Variants in GPR89B observed in about 807,000 individuals in gnomAD.
The protein encoded by GPR89B is G protein-coupled receptor 89B.
GPR89B carries 25 observed loss-of-function variants against 52.4 expected under a neutral mutation model. The ratio of observed to expected loss-of-function variants is 0.48; its 90% confidence interval spans 0.35 to 0.67. The LOEUF (loss-of-function observed/expected upper bound fraction) is 0.67. Ranked by LOEUF, GPR89B falls within the 30% of genes least tolerant of loss-of-function variation. GPR89B has a pLI of 0.01. For synonymous variants in GPR89B, 52 were observed against 151.2 expected (o/e 0.34, Z 4.81); for missense variants, 146 against 450.2 (o/e 0.32, Z 6.11).
At chr1:147,936,538 G>A (rs1654104325) in intron 1 of GPR89B, 89 bp from the exon 2 acceptor site, 3 of 794,048 alleles carry the variant, frequency 3.8e-6, no homozygotes, top group Non-Finnish European at 4.3e-6. Flanking sequence ...TAACCGTCTA[G>A]TTAGCAGACC....
Position 147,950,012 on chromosome 1 carries a change from C to T in GPR89B, c.416-3333C>T, listed in dbSNP as rs1298839373. 7.0e-5 allele frequency among the ~76,000 whole-genome samples: 10 copies of T among 142,100 alleles called. No homozygotes were observed. In the South Asian group the frequency reaches 1.1e-3, roughly 16 times the overall value. 93.2% of individuals were successfully genotyped at this position (142,100 alleles called of 152,430 possible). ...CTCCCTCCCGGACGGGGCGGCTGGC[C>T]GGGCGGGGGGCTGACCTCCCCACCT... On this transcript the variant is annotated intron_variant, in intron 5 of 13. Coordinates refer to ENST00000314163, the MANE Select transcript of GPR89B (RefSeq NM_016334.5).
the GPR89B span, chr1:148,010,531 G>A: frequency 6.6e-6 from 1 of 152,320 alleles, no homozygotes; most frequent in African/African-American, 2.4e-5. Flanking sequence ...CAAAAGAGGT[G>A]TAGAGGAAGA....
intron 10 of GPR89B, among the ~76,000 whole-genome samples, chr1:147,971,925 A>G (rs1446214621): frequency 6.6e-6 from 1 of 151,672 alleles, no homozygotes; most frequent in Non-Finnish European, 1.5e-5. Context: ...ACATCCATCC[A>G]TCACTGCCAT....
chr1:148,020,870 T>C, the GPR89B span, among the ~76,000 whole-genome samples: 2 of 151,628 alleles, frequency 1.3e-5, no homozygotes, highest in Non-Finnish European at 2.9e-5. Context: ...GTATTTTCAG[T>C]AGAGACGGGG....
chr1:147,947,226 TC>T (rs1553249938), intron 5 of GPR89B, among the ~76,000 whole-genome samples: 4 of 149,850 alleles, frequency 2.7e-5, no homozygotes, highest in African/African-American at 9.9e-5. Context: ...TCCCAGCTAC[TC>T]CCCGGAGGCC....
chr1:148,016,751 TA>T, the GPR89B span, among the ~76,000 whole-genome samples: 1 of 151,504 alleles, frequency 6.6e-6, no homozygotes, highest in Admixed American at 6.6e-5. Flanking sequence ...AGAAAGAAAA[TA>T]AATGCTTCCT....
At chr1:148,016,686 A>G in the GPR89B span, among the ~76,000 whole-genome samples, 3 of 151,958 alleles carry the variant, frequency 2.0e-5, no homozygotes, top group Non-Finnish European at 4.4e-5. Flanking sequence ...GAGGCCGGGA[A>G]TTGGAGACCA....
At chr1:147,991,207 G>A (rs1659041196) in intron 12 of GPR89B, among the ~76,000 whole-genome samples, 1 of 151,476 alleles carries the variant, frequency 6.6e-6, no homozygotes, top group Admixed American at 6.6e-5. Context: ...TCTCTTTGAA[G>A]CAATTGTGAA....
intron 10 of GPR89B, among the ~76,000 whole-genome samples, chr1:147,972,507 A>G (rs1657544616): frequency 6.6e-6 from 1 of 151,556 alleles, no homozygotes. Context: ...TCTTGCTAAT[A>G]TTAGACATTC....
chr1:148,020,939 C>G, the GPR89B span, among the ~76,000 whole-genome samples: 1 of 151,692 alleles, frequency 6.6e-6, no homozygotes, highest in Non-Finnish European at 1.5e-5. Flanking sequence ...CCACCAGCTT[C>G]GGCCTCCCAA....
chr1:147,999,273 A>G, the GPR89B span, among the ~76,000 whole-genome samples: 12 of 151,640 alleles, frequency 7.9e-5, no homozygotes, highest in Non-Finnish European at 1.6e-4. Flanking sequence ...CTATCTCCCT[A>G]TGGCTTCTCT....
At chr1:147,997,666 TCTC>T (rs1659348238), downstream of GPR89B, among the ~76,000 whole-genome samples, 1 of 152,034 alleles carries the variant, frequency 6.6e-6, no homozygotes, top group Admixed American at 6.6e-5. Context: ...CCCTAATTAA[TCTC>T]CTCTCATACC....
intron 5 of GPR89B, among the ~76,000 whole-genome samples, chr1:147,952,167 G>A (rs1388663516): frequency 6.6e-6 from 1 of 152,126 alleles, no homozygotes; most frequent in Non-Finnish European, 1.5e-5. Flanking sequence ...ATAAGGATTA[G>A]TCAATAGTGT....
chr1:147,943,394 T>A, intron 3 of GPR89B, 44 bp from the exon 4 acceptor site: 1 of 1,598,098 alleles, frequency 6.3e-7, no homozygotes, highest in Non-Finnish European at 8.5e-7. Flanking sequence ...AGAAAGTTGC[T>A]GCCCTCTCTT....
chr1:148,004,951 C>T, the GPR89B span, among the ~76,000 whole-genome samples: 2 of 114,100 alleles, frequency 1.8e-5, no homozygotes, highest in African/African-American at 6.4e-5. Context: ...TGCGGTGGTG[C>T]ACACCTGTAG....
intron 1 of GPR89B, 69 bp downstream of exon 1, chr1:147,928,647 G>A: frequency 1.9e-6 from 3 of 1,593,722 alleles, no homozygotes; most frequent in Non-Finnish European, 2.6e-6. Flanking sequence ...CCGGTCCTCC[G>A]CGGTGCGGGC....
chr1:147,955,292 T>C (rs1283594117), intron 7 of GPR89B, among the ~76,000 whole-genome samples: 1 of 152,122 alleles, frequency 6.6e-6, no homozygotes, highest in Non-Finnish European at 1.5e-5. Context: ...ATTTTCTTTA[T>C]CCATTTTTCT....
the GPR89B span, among the ~76,000 whole-genome samples, chr1:148,008,224 T>G: frequency 4.6e-5 from 7 of 152,208 alleles, no homozygotes; most frequent in Non-Finnish European, 1.0e-4. Flanking sequence ...TGTTATATAT[T>G]TGTCATGAAG....
chr1:147,998,378 C>T (rs1659365078), downstream of GPR89B, among the ~76,000 whole-genome samples: 1 of 142,450 alleles, frequency 7.0e-6, no homozygotes, highest in African/African-American at 2.6e-5. Context: ...CACAGAACCT[C>T]CTAGTTACCC....
Sources: allele counts gnomAD v4.1 joint callset (sites outside exome capture counted in the v4.1 genomes callset), GRCh38; gene constraint gnomAD v4.1.1; transcripts MANE v1.5; gene names NCBI Gene and HGNC (gene_info 2026-07-23, HGNC 2026-07-21).